The following NRG2 variants were observed in gnomAD, a reference collection of about 807,000 sequenced individuals.
The protein encoded by NRG2 is pro-neuregulin-2, membrane-bound isoform.
Under a neutral mutation model 73.9 loss-of-function variants are expected in NRG2, and 27 were observed. The ratio of observed to expected loss-of-function variants is 0.37; its 90% CI spans 0.27 to 0.50. The LOEUF (loss-of-function observed/expected upper bound fraction) is 0.50, where lower values mean the gene tolerates loss of function less well. NRG2 is among the 20% of genes least tolerant of loss of function. The probability of loss-of-function intolerance (pLI) is 0.96; values close to 1 mark genes in which losing one functional copy is unlikely to be tolerated. For missense variants in NRG2, 1,126 were observed against 1,210.1 expected (o/e 0.93, Z 1.03); for synonymous variants, 532 against 541.0 (o/e 0.98, Z 0.23).
intron 1 of NRG2, among the ~76,000 whole-genome samples, chr5:139,982,072 C>T (rs957606087): frequency 1.1e-4 from 17 of 152,194 alleles, no homozygotes; most frequent in Non-Finnish European, 2.1e-4. Context: ...GGTGGCCTCA[C>T]TGAGGGCAGA....
intron 1 of NRG2, among the ~76,000 whole-genome samples, chr5:139,992,075 T>G (rs1270292570): frequency 6.6e-6 from 1 of 152,204 alleles, no homozygotes; most frequent in East Asian, 1.9e-4. Context: ...TAGGGTAGAA[T>G]TGGAGAATTG....
At chr5:139,881,276 G>A (rs1488268381) in intron 2 of NRG2, among the ~76,000 whole-genome samples, 1 of 152,148 alleles carries the variant, frequency 6.6e-6, no homozygotes, top group Non-Finnish European at 1.5e-5. Context: ...CATTCTTCTG[G>A]GGGAGTAAAG....
At chr5:140,029,637 G>A (rs551734321) in intron 1 of NRG2, among the ~76,000 whole-genome samples, 119 of 142,082 alleles carry the variant, frequency 8.4e-4, no homozygotes, top group African/African-American at 3.0e-3. Flanking sequence ...GCAGTGAGCT[G>A]AGATCGTACC....
chr5:139,992,227 A>G (rs1445736550), intron 1 of NRG2, among the ~76,000 whole-genome samples: 1 of 152,138 alleles, frequency 6.6e-6, no homozygotes, highest in African/African-American at 2.4e-5. Context: ...ATTTTTAAGT[A>G]TTTTATTTTC....
intron 1 of NRG2, among the ~76,000 whole-genome samples, chr5:140,016,384 C>T (rs1261075540): frequency 6.6e-6 from 1 of 152,102 alleles, no homozygotes; most frequent in African/African-American, 2.4e-5. Flanking sequence ...TATTATTGAC[C>T]TCTCTAAATC....
intron 1 of NRG2, among the ~76,000 whole-genome samples, chr5:139,918,493 A>G (rs1751432569): frequency 6.6e-6 from 1 of 152,188 alleles, no homozygotes; most frequent in African/African-American, 2.4e-5. Flanking sequence ...TGTCTCGTTC[A>G]GTGCTCTTTA....
In NRG2 at chr5:139,870,764, C is replaced by G. The variant is rs998706391; in HGVS notation, c.1112+957G>C. Among the ~76,000 whole-genome samples the G allele has an allele frequency of 3.9e-5, 6 of 152,208 alleles. No individual in the cohort carries two copies. Among genetic ancestry groups the G allele is most frequent in the Admixed American group, 3.3e-4 (5 of 15,288 alleles). On this transcript the variant is annotated intron_variant, in intron 4 of 9. Transcript: ENST00000361474. The surrounding 1 kb of genome is among the most constrained non-coding windows in gnomAD (Gnocchi z 4.4). ...CTGTCTGGAGCCTATGCTGCCCTCA[C>G]CAAGCTCCCCTCCCCTCCTCACACA... is the stretch of plus-strand genomic sequence containing the variant.
intron 1 of NRG2, among the ~76,000 whole-genome samples, chr5:139,930,600 C>G (rs1309548741): frequency 1.3e-5 from 2 of 152,198 alleles, no homozygotes; most frequent in Admixed American, 6.5e-5. Context: ...CTGCTTCTGA[C>G]AATAAAGTGC....
rs758555444 is a variant in NRG2, at chr5:139,905,607, G to A, written c.701-18096C>T. Among the ~76,000 whole-genome samples, 221 of 152,184 alleles carry A rather than the reference G, an allele frequency of 1.5e-3. 8 individuals are homozygous for A. Among genetic ancestry groups the A allele is most frequent in the Admixed American group, 1.6e-3 (25 of 15,294 alleles). ...ACTTGTGGGGTGGGAACACAGAAAG[G>A]GGGAAGCTGGAGGTGATGGCCCCGC... On this transcript the variant is annotated intron_variant, in intron 1 of 9. Coordinates refer to ENST00000361474, the MANE Select transcript of NRG2 (RefSeq NM_004883.3).
rs1165142646 is a variant in NRG2, at chr5:139,865,241, G to T, written c.1189+308C>A. 2.2e-6 allele frequency: 3 copies of T among 1,336,308 alleles called. No homozygotes were observed. The highest frequency in any genetic ancestry group is 3.2e-6 in the Non-Finnish European group (3 of 932,982). The allele number at this position is 1,336,308 out of a possible 1,614,324, so 82.8% of individuals were successfully genotyped here. On this transcript the variant is annotated intron_variant, in intron 5 of 9. Coordinates refer to ENST00000361474, the MANE Select transcript of NRG2 (RefSeq NM_004883.3). The surrounding 1 kb of genome is among the most constrained non-coding windows in gnomAD (Gnocchi z 5.2). ...AAGACACAGGCATTGCAACACCCCG[G>T]CACGGGCTCCTGCCAATGCCAGCTG...
chr5:139,883,241 C>T (rs553056439), intron 2 of NRG2, among the ~76,000 whole-genome samples: 1 of 140,226 alleles, frequency 7.1e-6, no homozygotes, highest in East Asian at 2.4e-4. Context: ...CCCCCCTCCC[C>T]CCTACCTCCC....
chr5:139,887,449 G>A lies in NRG2; in HGVS notation c.763C>T (p.Leu255=). Residue 255 remains leucine, a synonymous_variant, in exon 2 of 10, where the codon CTG becomes TTG. Transcript: ENST00000361474. This position sits in a 1 kb window ranked among gnomAD's most constrained non-coding sequence, Gnocchi z 4.5. The stretch of plus-strand genomic sequence containing the variant: ...TTACCGGCTGCTGCCTCACACTTCA[G>A]CGATTGCTTCTCACCCACCTGTCCC... ...QTGQVGEKQS[L]KCEAAAGNPQ... 8 of 1,614,256 alleles carry A rather than the reference G, an allele frequency of 5.0e-6. No homozygotes were observed. The highest frequency in any genetic ancestry group is 6.8e-6 in the Non-Finnish European group (8 of 1,180,048).
At chr5:139,858,475 C>T (rs767015954) in intron 5 of NRG2, among the ~76,000 whole-genome samples, 1 of 152,228 alleles carries the variant, frequency 6.6e-6, no homozygotes, top group Non-Finnish European at 1.5e-5. Context: ...CACTGAACAC[C>T]ACCTGATGTC....
intron 1 of NRG2, among the ~76,000 whole-genome samples, chr5:139,973,852 A>G (rs951768300): frequency 7.2e-5 from 11 of 152,148 alleles, no homozygotes; most frequent in African/African-American, 2.7e-4. Context: ...TAAATGAAAC[A>G]TGGGGCAGGT....
intron 1 of NRG2, among the ~76,000 whole-genome samples, chr5:139,932,050 A>G (rs1752501702): frequency 6.6e-6 from 1 of 152,382 alleles, no homozygotes; most frequent in Non-Finnish European, 1.5e-5. Flanking sequence ...AATTTAAAAT[A>G]GAACTACCAT....
Position 139,847,967 on chromosome 5 carries a change from G to C in NRG2, c.2503C>G (p.His835Asp), listed in dbSNP as rs1177345657. Residue 835 changes from histidine (H) to aspartate (D), a missense_variant, in exon 10 of 10, where the codon CAC becomes GAC. By Grantham distance (81) the His-to-Asp change is moderately conservative. Coordinates refer to ENST00000361474, the MANE Select transcript of NRG2 (RefSeq NM_004883.3). Reference protein sequence around the residue: ...DSHSTRASSRHSRGPPPRAKQ... With the variant: ...DSHSTRASSRDSRGPPPRAKQ... The stretch of plus-strand genomic sequence containing the variant: ...GCCCGCGGGGGCGGCCCGCGGCTGT[G>C]TCTGCTGCTGGCCCGCGTGCTGTGG... 2 of 1,511,752 alleles carry C rather than the reference G, an allele frequency of 1.3e-6. No homozygotes were observed. Among genetic ancestry groups the C allele is most frequent in the African/African-American group, 1.4e-5 (1 of 68,990 alleles). The allele number at this position is 1,511,752 out of a possible 1,614,324, so 93.6% of individuals were successfully genotyped here. A position where few individuals can be genotyped will look rare whatever the true frequency, so the allele number is the denominator to read the frequency against.
intron 1 of NRG2, among the ~76,000 whole-genome samples, chr5:139,988,170 G>A (rs562324790): frequency 6.6e-6 from 1 of 152,014 alleles, no homozygotes; most frequent in Non-Finnish European, 1.5e-5. Context: ...TGAGGATGTG[G>A]AGCAACAGGA....
rs374720414 is a variant in NRG2, at chr5:139,915,769, C to T, written c.701-28258G>A. On this transcript the variant is annotated intron_variant, in intron 1 of 9. Transcript: ENST00000361474. The surrounding 1 kb of genome is among the most constrained non-coding windows in gnomAD (Gnocchi z 4.0). Reference sequence around the variant, plus strand: ...AGCTAGTTAAAATGAAAGGAAGGATCATGGTGACATTTGTATCGCAAAAGA... The same window carrying T: ...AGCTAGTTAAAATGAAAGGAAGGATTATGGTGACATTTGTATCGCAAAAGA... Among the ~76,000 whole-genome samples the T allele has an allele frequency of 1.3e-5, 2 of 152,164 alleles. No homozygotes were observed. The highest frequency in any genetic ancestry group is 2.1e-4 in the South Asian group (1 of 4,822).
At chr5:139,860,327 G>A (rs1289330652) in intron 5 of NRG2, among the ~76,000 whole-genome samples, 1 of 152,058 alleles carries the variant, frequency 6.6e-6, no homozygotes, top group African/African-American at 2.4e-5. Context: ...CAACTCTCAA[G>A]CCTTCCTGCA....
Sources: gnomAD v4.1 joint callset for allele counts (sites outside exome capture counted in the v4.1 genomes callset) on GRCh38, gnomAD v4.1.1 for gene constraint, Gnocchi (gnomAD v3.1) non-coding constraint, MANE v1.5 for transcripts, NCBI Gene and HGNC (gene_info 2026-07-23, HGNC 2026-07-21) for gene names.